Variants in PLEKHA7 observed in about 807,000 individuals in gnomAD.
PLEKHA7 encodes pleckstrin homology domain-containing family A member 7.
Under a neutral mutation model 170.0 loss-of-function variants are expected in PLEKHA7, and 104 were observed. The observed-to-expected ratio is 0.61, with a 90% CI of 0.52 to 0.72. PLEKHA7 has a LOEUF of 0.72. Ranked by LOEUF, PLEKHA7 falls within the 30% of genes least tolerant of loss-of-function variation. The probability of loss-of-function intolerance (pLI) is 0.00; values close to 1 mark genes in which losing one functional copy is unlikely to be tolerated. For synonymous variants in PLEKHA7, 648 were observed against 660.8 expected, an observed-to-expected ratio of 0.98 and a Z score of 0.30; for missense variants, 1,615 against 1,671.7, an observed-to-expected ratio of 0.97 and a Z score of 0.59.
At chr11:16,948,153 G>A (rs1400422143) in intron 3 of PLEKHA7, among the ~76,000 whole-genome samples, 2 of 152,080 alleles carry the variant, frequency 1.3e-5, no homozygotes, top group East Asian at 1.9e-4. Flanking sequence ...AGAGTAAAAC[G>A]GTGGTTACCA....
chr11:16,808,843 C>T lies in PLEKHA7; in HGVS notation c.2007+4270G>A, dbSNP rs111719167. ...CTTCAATGCCAAGAATACAATTCAACGAACACGACTTTAGAGTGGGCAAAG... is the reference window on the plus strand; with the variant it reads ...CTTCAATGCCAAGAATACAATTCAATGAACACGACTTTAGAGTGGGCAAAG... On this transcript the variant is annotated intron_variant, in intron 13 of 26. Transcript: ENST00000531066. Among the ~76,000 whole-genome samples, 1,057 of 152,292 alleles carry T rather than the reference C, an allele frequency of 6.9e-3. 14 individuals are homozygous for T. The highest frequency in any genetic ancestry group is 0.024 in the African/African-American group (983 of 41,558).
intron 3 of PLEKHA7, chr11:16,974,629 T>G: frequency 4.1e-6 from 1 of 246,040 alleles, no homozygotes; most frequent in Non-Finnish European, 5.6e-6. Context: ...TTCACAGGTT[T>G]TTTTTTTTTT....
rs1021037971 is a variant in PLEKHA7, at chr11:16,984,830, T to A, written c.221+29159A>T. On this transcript the variant is annotated intron_variant, in intron 3 of 26. Coordinates refer to ENST00000531066, the MANE Select transcript of PLEKHA7 (RefSeq NM_001329630.2). ...AGTAGGCACTCAATAAATATTCATT[T>A]AATAAAGGAATGAATGACCCTACAA... 3.9e-5 allele frequency among the ~76,000 whole-genome samples: 6 copies of A among 152,312 alleles called. No individual in the cohort carries two copies. In the East Asian group the frequency reaches 1.2e-3, roughly 29 times the overall value.
chr11:16,898,253 G>A (rs1414987611), intron 3 of PLEKHA7, among the ~76,000 whole-genome samples: 1 of 152,102 alleles, frequency 6.6e-6, no homozygotes, highest in Non-Finnish European at 1.5e-5. Context: ...TATGAAACTA[G>A]GGAAACATTC....
chr11:16,926,548 G>A (rs907274693), intron 3 of PLEKHA7, among the ~76,000 whole-genome samples: 1 of 152,192 alleles, frequency 6.6e-6, no homozygotes, highest in African/African-American at 2.4e-5. Flanking sequence ...AATTACCATT[G>A]TTGCGAGGGG....
chr11:16,846,929 T>G, intron 8 of PLEKHA7, among the ~76,000 whole-genome samples: 1 of 151,942 alleles, frequency 6.6e-6, no homozygotes, highest in Non-Finnish European at 1.5e-5. Flanking sequence ...CCATTTACAG[T>G]GCAGTGAGAC....
In PLEKHA7 at chr11:16,826,130, C is replaced by G; in HGVS notation, c.1333G>C (p.Asp445His). The change falls in exon 10 of 27, where the codon GAT becomes CAT. Residue 445 changes from aspartate (D) to histidine (H), a missense_variant. Physicochemically the swap from Asp to His is moderately conservative, Grantham distance 81. Coordinates refer to ENST00000531066, the MANE Select transcript of PLEKHA7 (RefSeq NM_001329630.2). ...GAGTCTATTACTCACCTCCTGCTAT[C>G]CCCTTTCTGGGCCCTTGCCCAGTGC... is the stretch of plus-strand genomic sequence containing the variant. ...VEHWARAQKG[D>H]SRSLPLDQTL... 1 of 1,613,884 alleles carries G rather than the reference C, an allele frequency of 6.2e-7. No homozygotes were observed. Among genetic ancestry groups the G allele is most frequent in the South Asian group, 1.1e-5 (1 of 91,066 alleles).
At chr11:16,806,349 G>C (rs899685342) in intron 13 of PLEKHA7, among the ~76,000 whole-genome samples, 5 of 152,198 alleles carry the variant, frequency 3.3e-5, no homozygotes, top group African/African-American at 1.2e-4. Flanking sequence ...CCTTTTAAAA[G>C]TGTGTTTGTT....
rs571527717 is a variant in PLEKHA7, at chr11:16,866,149, C to T, written c.305+4950G>A. ...CAGCCCAAAAAATACTTCTGATTCT[C>T]TTCTCAGGAACATAATAAATATGTG... On this transcript the variant is annotated intron_variant, in intron 4 of 26. Transcript: ENST00000531066. 5.9e-5 allele frequency among the ~76,000 whole-genome samples: 9 copies of T among 151,634 alleles called. No homozygotes were observed. In the East Asian group the frequency reaches 1.6e-3, roughly 27 times the overall value.
At chr11:16,934,561 T>G (rs1469112788) in intron 3 of PLEKHA7, among the ~76,000 whole-genome samples, 3 of 152,094 alleles carry the variant, frequency 2.0e-5, no homozygotes, top group Non-Finnish European at 4.4e-5. Flanking sequence ...GCTTTTTACC[T>G]AAACAGAAAC....
At chr11:16,900,909 G>A (rs970633406) in intron 3 of PLEKHA7, among the ~76,000 whole-genome samples, 3 of 150,926 alleles carry the variant, frequency 2.0e-5, no homozygotes, top group Non-Finnish European at 4.4e-5. Context: ...GCAGTGGCGC[G>A]ATCTCAGCTC....
At chr11:16,965,226 G>A (rs1416497732) in intron 3 of PLEKHA7, among the ~76,000 whole-genome samples, 1 of 151,934 alleles carries the variant, frequency 6.6e-6, no homozygotes, top group Admixed American at 6.6e-5. Context: ...GGGAAGCTGA[G>A]ACACAAGAAT....
chr11:16,976,492 G>A (rs1351141675), intron 3 of PLEKHA7, among the ~76,000 whole-genome samples: 1 of 152,214 alleles, frequency 6.6e-6, no homozygotes, highest in Non-Finnish European at 1.5e-5. Flanking sequence ...TGTGGTACGG[G>A]GCCAGAATGC....
intron 3 of PLEKHA7, among the ~76,000 whole-genome samples, chr11:16,890,403 C>T (rs767652643): frequency 7.9e-5 from 12 of 152,134 alleles, no homozygotes; most frequent in Non-Finnish European, 1.0e-4. Context: ...ACAAAAAACC[C>T]ACCTCGCTGA....
intron 3 of PLEKHA7, among the ~76,000 whole-genome samples, chr11:16,974,267 C>CA (rs35695770): frequency 0.33 from 38,064 of 116,656 alleles, 6,345 homozygotes; most frequent in East Asian, 0.61. Flanking sequence ...ACCCTGTCTC[C>CA]AAAAAAAAAA....
chr11:16,905,458 T>C (rs1857598016), intron 3 of PLEKHA7, among the ~76,000 whole-genome samples: 2 of 152,140 alleles, frequency 1.3e-5, no homozygotes, highest in Admixed American at 1.3e-4. Context: ...AAGGTCATGA[T>C]AACCCAAACT....
intron 3 of PLEKHA7, among the ~76,000 whole-genome samples, chr11:16,980,202 T>C (rs768618481): frequency 3.3e-5 from 5 of 152,154 alleles, no homozygotes; most frequent in East Asian, 3.9e-4. Flanking sequence ...AGAATCACAA[T>C]AGCAAGAACA....
chr11:16,938,999 A>G (rs1225195053), intron 3 of PLEKHA7, among the ~76,000 whole-genome samples: 1 of 152,246 alleles, frequency 6.6e-6, no homozygotes, highest in East Asian at 1.9e-4. Flanking sequence ...TTTGAATTTT[A>G]GAAGATTCAA....
chr11:16,840,807 C>T (rs1039068292), intron 9 of PLEKHA7, among the ~76,000 whole-genome samples: 4 of 152,024 alleles, frequency 2.6e-5, no homozygotes, highest in Admixed American at 1.3e-4. Context: ...TAGGAAGTAC[C>T]ACGAATTCCG....
Sources: gnomAD v4.1 joint callset for allele counts (sites outside exome capture counted in the v4.1 genomes callset) on GRCh38, gnomAD v4.1.1 for gene constraint, MANE v1.5 for transcripts, NCBI Gene and HGNC (gene_info 2026-07-23, HGNC 2026-07-21) for gene names.